The following HOMER1 variants were observed in gnomAD, a reference collection of about 807,000 sequenced individuals.
HOMER1 encodes homer protein homolog 1.
A neutral mutation model predicts 48.9 loss-of-function variants in HOMER1; 3 were observed. That is an observed-to-expected ratio of 0.06 (90% CI 0.03 to 0.16). The LOEUF is 0.16. HOMER1 is among the 10% of genes least tolerant of loss of function. The pLI is 1.00. For missense variants in HOMER1, 247 were observed against 411.4 expected (o/e 0.60, Z 3.46); for synonymous variants, 134 against 146.4 (o/e 0.92, Z 0.61).
At chr5:79,379,970 G>T (rs1470778583) in intron 8 of HOMER1, among the ~76,000 whole-genome samples, 1 of 152,094 alleles carries the variant, frequency 6.6e-6, no homozygotes, top group African/African-American at 2.4e-5. Context: ...ATTTGTACTT[G>T]CCTCCTCTAC....
chr5:79,408,351 G>T (rs759549276), intron 5 of HOMER1, among the ~76,000 whole-genome samples: 1 of 151,978 alleles, frequency 6.6e-6, no homozygotes, highest in Non-Finnish European at 1.5e-5. Context: ...AGGTAAACAA[G>T]AGCTCAGATA....
chr5:79,434,390 T>C (rs1007937320), intron 5 of HOMER1, among the ~76,000 whole-genome samples: 2 of 151,976 alleles, frequency 1.3e-5, no homozygotes, highest in Non-Finnish European at 2.9e-5. Flanking sequence ...GCTGATGCTA[T>C]GAAGCAAACA....
intron 1 of HOMER1, among the ~76,000 whole-genome samples, chr5:79,484,243 ATAGT>A (rs563064701): frequency 1.3e-5 from 2 of 152,148 alleles, no homozygotes; most frequent in Non-Finnish European, 2.9e-5. Context: ...AAGAAAAGGT[ATAGT>A]TAGTAAGCTA....
At chr5:79,483,164 A>G (rs1055884425) in intron 1 of HOMER1, among the ~76,000 whole-genome samples, 3 of 152,214 alleles carry the variant, frequency 2.0e-5, no homozygotes, top group African/African-American at 7.2e-5. Context: ...CTTAAAGCCA[A>G]TGATAAAACC....
intron 1 of HOMER1, among the ~76,000 whole-genome samples, chr5:79,512,082 A>C (rs1433720794): frequency 6.6e-6 from 1 of 152,186 alleles, no homozygotes; most frequent in Non-Finnish European, 1.5e-5. Flanking sequence ...GGTCCGAAGG[A>C]AGGTGTAGAT....
intron 1 of HOMER1, among the ~76,000 whole-genome samples, chr5:79,492,117 A>G (rs752846353): frequency 6.6e-6 from 1 of 152,246 alleles, no homozygotes; most frequent in Non-Finnish European, 1.5e-5. Flanking sequence ...ATAGAGCTTG[A>G]TAATGAAGTT....
chr5:79,478,802 A>C (rs891751515), intron 1 of HOMER1, among the ~76,000 whole-genome samples: 2 of 152,122 alleles, frequency 1.3e-5, no homozygotes, highest in African/African-American at 4.8e-5. Flanking sequence ...AAATACAAAA[A>C]TTAGCCGGGT....
intron 1 of HOMER1, among the ~76,000 whole-genome samples, chr5:79,480,884 G>T (rs1168359015): frequency 6.6e-6 from 1 of 152,186 alleles, no homozygotes; most frequent in African/African-American, 2.4e-5. Flanking sequence ...GTCTAGTGGG[G>T]AGGGGAGGCA....
chr5:79,490,981 A>G (rs1221063257), intron 1 of HOMER1, among the ~76,000 whole-genome samples: 3 of 149,744 alleles, frequency 2.0e-5, no homozygotes, highest in African/African-American at 7.3e-5. Flanking sequence ...AATATAATAC[A>G]AGGGAAAAAA....
intron 1 of HOMER1, among the ~76,000 whole-genome samples, chr5:79,483,483 G>A (rs867793175): frequency 6.7e-6 from 1 of 149,216 alleles, no homozygotes; most frequent in Admixed American, 6.6e-5. Context: ...TTTATGTTAT[G>A]TGAATTTTAC....
At chr5:79,466,744 T>A (rs1002259909) in intron 1 of HOMER1, among the ~76,000 whole-genome samples, 4 of 151,302 alleles carry the variant, frequency 2.6e-5, no homozygotes, top group Non-Finnish European at 5.9e-5. Context: ...GTTAAACTCC[T>A]GGCGTTTTAT....
chr5:79,403,683 G>A (rs1749588897), intron 5 of HOMER1, among the ~76,000 whole-genome samples: 1 of 152,190 alleles, frequency 6.6e-6, no homozygotes, highest in African/African-American at 2.4e-5. Context: ...TTAGTTAGTA[G>A]TATTGTATCA....
chr5:79,484,280 T>TA (rs1039387177), intron 1 of HOMER1, among the ~76,000 whole-genome samples: 10 of 150,968 alleles, frequency 6.6e-5, no homozygotes, highest in Non-Finnish European at 1.2e-4. Context: ...AAATAAATCA[T>TA]AAAAAAACAC....
intron 1 of HOMER1, among the ~76,000 whole-genome samples, chr5:79,486,752 G>C (rs1443664563): frequency 7.2e-5 from 11 of 152,174 alleles, no homozygotes; most frequent in African/African-American, 2.7e-4. Context: ...TAGAAAGCCA[G>C]ATAAACCCCA....
At chr5:79,468,387 G>A (rs1200477501) in intron 1 of HOMER1, among the ~76,000 whole-genome samples, 1 of 151,980 alleles carries the variant, frequency 6.6e-6, no homozygotes, top group East Asian at 1.9e-4. Context: ...ATACATAATG[G>A]ATTTCAAAGA....
chr5:79,411,610 T>C (rs1487048735), intron 5 of HOMER1, among the ~76,000 whole-genome samples: 1 of 152,230 alleles, frequency 6.6e-6, no homozygotes, highest in Admixed American at 6.5e-5. Context: ...AAGAGCTTAA[T>C]GTATGAGCAA....
At chr5:79,379,416 AT>A (rs1434303202) in intron 8 of HOMER1, among the ~76,000 whole-genome samples, 5 of 115,628 alleles carry the variant, frequency 4.3e-5, no homozygotes, top group Non-Finnish European at 5.0e-5. Context: ...ATATTTATAT[AT>A]TTTATATATT....
At chr5:79,419,667 G>A (rs905973990) in intron 5 of HOMER1, among the ~76,000 whole-genome samples, 5 of 151,862 alleles carry the variant, frequency 3.3e-5, no homozygotes, top group African/African-American at 1.2e-4. Context: ...AAAATGACTT[G>A]TGGCAACAAA....
intron 1 of HOMER1, among the ~76,000 whole-genome samples, chr5:79,497,410 G>A (rs970154933): frequency 2.6e-5 from 4 of 152,126 alleles, no homozygotes; most frequent in Non-Finnish European, 5.9e-5. Flanking sequence ...AGCACTTTGG[G>A]AGGCTGAGGC....
Sources: gnomAD v4.1 joint callset for allele counts (sites outside exome capture counted in the v4.1 genomes callset) on GRCh38, gnomAD v4.1.1 for gene constraint, MANE v1.5 for transcripts, NCBI Gene and HGNC (gene_info 2026-07-23, HGNC 2026-07-21) for gene names.